Variants in MYCBP2 observed in about 807,000 individuals in gnomAD.
MYCBP2 encodes E3 ubiquitin-protein ligase MYCBP2.
MYCBP2 carries 120 observed loss-of-function variants against 525.3 expected under a neutral mutation model. The ratio of observed to expected loss-of-function variants is 0.23; its 90% CI spans 0.20 to 0.27. The LOEUF (loss-of-function observed/expected upper bound fraction) is 0.27. MYCBP2 is among the 10% of genes least tolerant of loss of function. The pLI is 1.00. For synonymous variants in MYCBP2, 1,894 were observed against 1,955.8 expected, an observed-to-expected ratio of 0.97 and a Z score of 0.83; for missense variants, 4,149 against 5,657.1, an observed-to-expected ratio of 0.73 and a Z score of 8.55.
At chr13:77,202,509 A>G (rs1361782154) in intron 26 of MYCBP2, among the ~76,000 whole-genome samples, 3 of 152,112 alleles carry the variant, frequency 2.0e-5, no homozygotes, top group African/African-American at 7.2e-5. Flanking sequence ...ATTCCAATCA[A>G]TAGAAAAAGA....
intron 63 of MYCBP2, among the ~76,000 whole-genome samples, chr13:77,082,613 A>G (rs1396755800): frequency 6.6e-6 from 1 of 152,178 alleles, no homozygotes; most frequent in Non-Finnish European, 1.5e-5. Flanking sequence ...AGCATCTGTG[A>G]TGCTCCTTAA....
intron 1 of MYCBP2, among the ~76,000 whole-genome samples, chr13:77,305,250 A>C (rs985152259): frequency 2.2e-4 from 33 of 152,114 alleles, no homozygotes; most frequent in African/African-American, 7.7e-4. Context: ...TGAACATAGA[A>C]GCAAAAATAC....
At chr13:77,255,044 G>A (rs2071925680) in intron 14 of MYCBP2, among the ~76,000 whole-genome samples, 1 of 151,830 alleles carries the variant, frequency 6.6e-6, no homozygotes, top group South Asian at 2.1e-4. Flanking sequence ...TTGTGGATAT[G>A]GCTATGATAA....
chr13:77,306,640 C>A (rs142719870), intron 1 of MYCBP2, among the ~76,000 whole-genome samples: 1,698 of 152,298 alleles, frequency 0.011, 25 homozygotes, highest in Middle Eastern at 0.024. Flanking sequence ...CATATTTGTA[C>A]TCTTAAGTAA....
intron 18 of MYCBP2, among the ~76,000 whole-genome samples, chr13:77,228,708 T>C (rs1463526576): frequency 5.3e-5 from 8 of 151,720 alleles, no homozygotes; most frequent in Admixed American, 4.6e-4. Context: ...TGTGTGTGTG[T>C]GTGTGTGTGT....
At chr13:77,247,411 T>C (rs569758143) in intron 15 of MYCBP2, among the ~76,000 whole-genome samples, 2 of 152,134 alleles carry the variant, frequency 1.3e-5, no homozygotes, top group Non-Finnish European at 1.5e-5. Flanking sequence ...CTACAAAACA[T>C]TGCTGAAAGA....
chr13:77,305,526 G>A (rs1442789868), intron 1 of MYCBP2, among the ~76,000 whole-genome samples: 2 of 152,080 alleles, frequency 1.3e-5, no homozygotes, highest in Non-Finnish European at 2.9e-5. Context: ...GCCAAAAACT[G>A]ATAGAAAGGA....
intron 54 of MYCBP2, 132 bp downstream of exon 54, chr13:77,125,204 T>G: frequency 8.7e-7 from 1 of 1,150,354 alleles, no homozygotes. Flanking sequence ...TGCAAGATTT[T>G]TTAACTTTTA....
intron 13 of MYCBP2, among the ~76,000 whole-genome samples, chr13:77,258,456 T>G (rs2072635985): frequency 6.6e-6 from 1 of 151,740 alleles, no homozygotes. Flanking sequence ...TCTTTAACAT[T>G]AACAATCAAA....
chr13:77,160,774 C>T (rs905109092), intron 44 of MYCBP2, among the ~76,000 whole-genome samples: 5 of 151,964 alleles, frequency 3.3e-5, no homozygotes, highest in Admixed American at 3.3e-4. Flanking sequence ...AAATGTGGGC[C>T]CAAAGTTCTC....
At chr13:77,191,364 T>C (rs1054116140) in intron 28 of MYCBP2, among the ~76,000 whole-genome samples, 2 of 152,210 alleles carry the variant, frequency 1.3e-5, no homozygotes, top group Non-Finnish European at 2.9e-5. Flanking sequence ...TTTTTATGGT[T>C]CCAAACTCCT....
chr13:77,146,245 T>C (rs1270249020), intron 47 of MYCBP2, 28 bp from the exon 48 acceptor site: 5 of 1,483,868 alleles, frequency 3.4e-6, no homozygotes, highest in Non-Finnish European at 4.6e-6. Context: ...GTCTGAACAA[T>C]CGTAAAATCA....
At chr13:77,144,348 T>C (rs1313915412) in intron 49 of MYCBP2, 97 bp downstream of exon 49, 2 of 776,744 alleles carry the variant, frequency 2.6e-6, no homozygotes, top group Non-Finnish European at 4.4e-6. Flanking sequence ...CCTATCCATA[T>C]GTCTAGTGCA....
intron 61 of MYCBP2, among the ~76,000 whole-genome samples, chr13:77,088,281 G>T (rs1053221023): frequency 8.6e-5 from 13 of 151,796 alleles, no homozygotes; most frequent in African/African-American, 2.4e-4. Flanking sequence ...CTTGCATCTG[G>T]ATGAACACAA....
intron 2 of MYCBP2, among the ~76,000 whole-genome samples, chr13:77,289,204 A>T (rs1215581484): frequency 6.6e-6 from 1 of 152,154 alleles, no homozygotes; most frequent in African/African-American, 2.4e-5. Flanking sequence ...AATTGGAAAA[A>T]AAAAATACAC....
At chr13:77,281,744 C>T (rs1328887672) in intron 3 of MYCBP2, among the ~76,000 whole-genome samples, 1 of 152,110 alleles carries the variant, frequency 6.6e-6, no homozygotes, top group African/African-American at 2.4e-5. Flanking sequence ...TTTTGCCCTT[C>T]TCAAATCATA....
At chr13:77,207,586 T>A (rs771941131) in intron 23 of MYCBP2, among the ~76,000 whole-genome samples, 3 of 152,204 alleles carry the variant, frequency 2.0e-5, no homozygotes, top group African/African-American at 7.2e-5. Flanking sequence ...ATGATTAAGA[T>A]GGTAAATTTT....
At position 77,215,874 on chromosome 13, in the gene MYCBP2, C is replaced by A. The variant is rs139739967; in HGVS notation, c.3057+1966G>T. Among the ~76,000 whole-genome samples, 317 of 152,294 alleles carry A rather than the reference C, an allele frequency of 2.1e-3. 1 individual carries two copies. Among genetic ancestry groups the A allele is most frequent in the Non-Finnish European group, 3.7e-3 (250 of 68,034 alleles). Reference sequence around the variant, plus strand: ...GGGATTATAGGTATGAGCCACCACACCTGGCCTATGATTTCTAAAATACAT... The same window carrying A: ...GGGATTATAGGTATGAGCCACCACAACTGGCCTATGATTTCTAAAATACAT... On this transcript the variant is annotated intron_variant, in intron 21 of 82. Coordinates refer to ENST00000544440, the MANE Select transcript of MYCBP2 (RefSeq NM_015057.5).
chr13:77,197,383 G>C (rs61964705), intron 26 of MYCBP2, among the ~76,000 whole-genome samples: 75 of 152,264 alleles, frequency 4.9e-4, no homozygotes, highest in Admixed American at 9.2e-4. Flanking sequence ...AAAATGTCTA[G>C]ATTTCCGGCC....
Sources: allele counts gnomAD v4.1 joint callset (sites outside exome capture counted in the v4.1 genomes callset), GRCh38; gene constraint gnomAD v4.1.1; transcripts MANE v1.5; gene names NCBI Gene and HGNC (gene_info 2026-07-23, HGNC 2026-07-21).